The following FAM107B variants were observed in gnomAD, a reference collection of about 807,000 sequenced individuals.
FAM107B encodes the protein family with sequence similarity 107 member B, also known as protein FAM107B.
Under a neutral mutation model 31.5 loss-of-function variants are expected in FAM107B, and 21 were observed. The ratio of observed to expected loss-of-function variants is 0.67; its 90% confidence interval spans 0.47 to 0.96. The LOEUF (loss-of-function observed/expected upper bound fraction) is 0.96. FAM107B is among the 40% of genes least tolerant of loss of function. The probability of loss-of-function intolerance (pLI) is 0.00; values close to 1 mark genes in which losing one functional copy is unlikely to be tolerated. For missense variants in FAM107B, 452 were observed against 377.1 expected, an observed-to-expected ratio of 1.20 and a Z score of -1.64; for synonymous variants, 157 against 141.5, an observed-to-expected ratio of 1.11 and a Z score of -0.78.
intron 2 of FAM107B, among the ~76,000 whole-genome samples, chr10:14,632,894 T>G (rs1276213560): frequency 6.6e-6 from 1 of 151,770 alleles, no homozygotes; most frequent in Non-Finnish European, 1.5e-5. Context: ...GAATGAGCAA[T>G]GATTTAAAAT....
At chr10:14,630,529 G>GT (rs959956317) in intron 2 of FAM107B, among the ~76,000 whole-genome samples, 28 of 151,398 alleles carry the variant, frequency 1.8e-4, no homozygotes, top group East Asian at 1.4e-3. Flanking sequence ...TCAGTTCTAT[G>GT]TTTTTTAAAA....
intron 2 of FAM107B, among the ~76,000 whole-genome samples, chr10:14,639,533 T>C (rs1853581008): frequency 6.6e-6 from 1 of 152,010 alleles, no homozygotes; most frequent in African/African-American, 2.4e-5. Context: ...TAAGCAAAAA[T>C]TAACAAGATT....
intron 2 of FAM107B, chr10:14,556,496 G>C (rs1475657834): frequency 1.2e-6 from 1 of 843,284 alleles, no homozygotes; most frequent in Admixed American, 6.2e-5. Context: ...GACCTAACGA[G>C]AGCTCAGCTC....
In FAM107B at chr10:14,685,791, G is replaced by A. The variant is rs113660797; in HGVS notation, c.412-18100C>T. ...CTCTCTATCAGTCTGTTCTCACACC[G>A]CTGATAAAGACATACCCAAGACTGA... On this transcript the variant is annotated intron_variant, in intron 1 of 4. Transcript: ENST00000181796. Among the ~76,000 whole-genome samples the A allele has an allele frequency of 3.7e-3, 565 of 152,234 alleles. 5 individuals carry two copies. Among genetic ancestry groups the A allele is most frequent in the African/African-American group, 0.013 (543 of 41,528 alleles).
chr10:14,561,103 T>C (rs1412471605), intron 2 of FAM107B, among the ~76,000 whole-genome samples: 1 of 152,250 alleles, frequency 6.6e-6, no homozygotes, highest in African/African-American at 2.4e-5. Flanking sequence ...AATGCCATCT[T>C]GTGTAGAGTC....
chr10:14,647,709 G>T (rs1357492981), intron 2 of FAM107B, among the ~76,000 whole-genome samples: 34 of 149,856 alleles, frequency 2.3e-4, no homozygotes, highest in Admixed American at 2.3e-3. Flanking sequence ...AAAAAAGATT[G>T]CTAATTCAAA....
At chr10:14,573,455 G>A (rs1564580606) in intron 2 of FAM107B, among the ~76,000 whole-genome samples, 2 of 151,916 alleles carry the variant, frequency 1.3e-5, no homozygotes, top group South Asian at 4.2e-4. Context: ...GGCTGGGTGT[G>A]GTGGTTCACA....
chr10:14,614,326 C>T (rs902199856), intron 2 of FAM107B, among the ~76,000 whole-genome samples: 3 of 152,010 alleles, frequency 2.0e-5, no homozygotes, highest in Admixed American at 2.0e-4. Flanking sequence ...GAGGCCTGTG[C>T]CCAGGGCGCT....
intron 2 of FAM107B, among the ~76,000 whole-genome samples, chr10:14,622,685 C>CT (rs1403111435): frequency 6.6e-6 from 1 of 152,182 alleles, no homozygotes; most frequent in Non-Finnish European, 1.5e-5. Flanking sequence ...TAGACACACT[C>CT]TTATTGGCTA....
chr10:14,680,108 C>T (rs61845076), intron 1 of FAM107B, among the ~76,000 whole-genome samples: 13 of 152,248 alleles, frequency 8.5e-5, no homozygotes, highest in South Asian at 2.1e-4. Flanking sequence ...ACACAGATTT[C>T]GGTATCAGGA....
At chr10:14,740,348 C>T (rs1012656789) in intron 1 of FAM107B, among the ~76,000 whole-genome samples, 7 of 152,160 alleles carry the variant, frequency 4.6e-5, no homozygotes, top group African/African-American at 1.7e-4. Context: ...AGTGAAAAGC[C>T]AGTCTGAAAA....
intron 2 of FAM107B, among the ~76,000 whole-genome samples, chr10:14,617,253 A>G (rs1381373895): frequency 6.6e-6 from 1 of 152,160 alleles, no homozygotes; most frequent in Non-Finnish European, 1.5e-5. Context: ...CCTGTGTGTA[A>G]TTCCTGCTCT....
At chr10:14,674,292 A>G (rs1340237817) in intron 1 of FAM107B, among the ~76,000 whole-genome samples, 1 of 152,244 alleles carries the variant, frequency 6.6e-6, no homozygotes, top group Admixed American at 6.5e-5. Flanking sequence ...AAAGGAAACA[A>G]TCAACAGAAT....
intron 2 of FAM107B, among the ~76,000 whole-genome samples, chr10:14,558,346 C>T (rs1849898289): frequency 6.6e-6 from 1 of 152,182 alleles, no homozygotes; most frequent in African/African-American, 2.4e-5. Flanking sequence ...CTCCCTCTAG[C>T]TTTCAGAAGA....
chr10:14,622,863 C>T (rs1213577016), intron 2 of FAM107B, among the ~76,000 whole-genome samples: 1 of 152,150 alleles, frequency 6.6e-6, no homozygotes, highest in Non-Finnish European at 1.5e-5. Context: ...GATTGGAGTT[C>T]CCTGTAGAAA....
At chr10:14,648,032 T>G (rs1485613208) in intron 2 of FAM107B, among the ~76,000 whole-genome samples, 1 of 151,948 alleles carries the variant, frequency 6.6e-6, no homozygotes, top group Non-Finnish European at 1.5e-5. Context: ...AAACATTTTC[T>G]TAAGAGGTTT....
rs554436089 is a variant in FAM107B, at chr10:14,638,295, T to C, written c.469+29339A>G. ...ACAGCCTGCTAAGGTTTTTTTTTTT[T>C]CCCCTCTGTAAGCTGGATATGTTTC... is the stretch of plus-strand genomic sequence containing the variant. On this transcript the variant is annotated intron_variant, in intron 2 of 4. Transcript: ENST00000181796. Among the ~76,000 whole-genome samples, 666 of 151,748 alleles carry C rather than the reference T, an allele frequency of 4.4e-3. 4 individuals are homozygous for C. The highest frequency in any genetic ancestry group is 0.014 in the African/African-American group (566 of 41,482).
chr10:14,738,969 T>C (rs769346641), intron 1 of FAM107B, among the ~76,000 whole-genome samples: 24 of 152,190 alleles, frequency 1.6e-4, no homozygotes, highest in Non-Finnish European at 3.1e-4. Flanking sequence ...GTGCATCAGC[T>C]GGGGTGACTT....
In FAM107B at chr10:14,519,319, T is replaced by C. The variant is rs1845414238; in HGVS notation, c.*1871A>G. On this transcript the variant is annotated 3_prime_UTR_variant, in exon 5 of 5. Coordinates refer to ENST00000181796, the MANE Select transcript of FAM107B (RefSeq NM_031453.4). ...TGACATCTAGTTAGATAAAAAGATA[T>C]GAGCCAGTCCCGAATCTTCATTTTA... 1.3e-5 allele frequency: 2 copies of C among 152,270 alleles called. No homozygotes were observed. Among genetic ancestry groups the C allele is most frequent in the African/African-American group, 4.8e-5 (2 of 41,562 alleles). The allele number at this position is 152,270 out of a possible 1,614,324, so 9.4% of individuals were successfully genotyped here.
Sources: allele counts gnomAD v4.1 joint callset (sites outside exome capture counted in the v4.1 genomes callset), GRCh38; gene constraint gnomAD v4.1.1; transcripts MANE v1.5; gene names NCBI Gene and HGNC (gene_info 2026-07-23, HGNC 2026-07-21).